OSCP1: variants seen among roughly 807,000 people sequenced by gnomAD.
The protein encoded by OSCP1 is protein OSCP1.
A neutral mutation model predicts 45.1 loss-of-function variants in OSCP1; 35 were observed. The ratio of observed to expected loss-of-function variants is 0.78; its 90% CI spans 0.59 to 1.03. The LOEUF is 1.03. Among genes scored for constraint, OSCP1 ranks in the 50% least tolerant of loss-of-function variants. The pLI, the probability that OSCP1 is intolerant of heterozygous loss-of-function variation, is 0.00. For synonymous variants in OSCP1, 179 were observed against 180.1 expected, an observed-to-expected ratio of 0.99 and a Z score of 0.05; for missense variants, 400 against 470.7, an observed-to-expected ratio of 0.85 and a Z score of 1.39.
At chr1:36,441,245 C>T (rs1649127235) in intron 1 of OSCP1, among the ~76,000 whole-genome samples, 1 of 152,058 alleles carries the variant, frequency 6.6e-6, no homozygotes, top group Non-Finnish European at 1.5e-5. Flanking sequence ...TCCCTCTTCT[C>T]GTTTCACTCT....
At chr1:36,429,392 A>G (rs1017649785) in intron 4 of OSCP1, among the ~76,000 whole-genome samples, 13 of 151,928 alleles carry the variant, frequency 8.6e-5, no homozygotes, top group African/African-American at 3.1e-4. Flanking sequence ...TCTCAAAAAA[A>G]AAAAAAAAGA....
At chr1:36,434,030 A>G (rs940495632) in intron 2 of OSCP1, among the ~76,000 whole-genome samples, 1 of 152,184 alleles carries the variant, frequency 6.6e-6, no homozygotes, top group Non-Finnish European at 1.5e-5. Context: ...GATGATGATC[A>G]GGGTTGTCCA....
intron 4 of OSCP1, among the ~76,000 whole-genome samples, chr1:36,424,628 A>C (rs1647855438): frequency 6.6e-6 from 1 of 152,182 alleles, no homozygotes; most frequent in South Asian, 2.1e-4. Context: ...GGGCTGGGGC[A>C]GGGGGATCCA....
At chr1:36,421,950 C>G in intron 7 of OSCP1, 200 bp downstream of exon 7, 1 of 595,768 alleles carries the variant, frequency 1.7e-6, no homozygotes, top group South Asian at 2.1e-5. Context: ...CTAAAATTAC[C>G]TAATTAGTGA....
Position 36,423,394 on chromosome 1 carries a change from G to A in OSCP1, c.589C>T (p.Pro197Ser), listed in dbSNP as rs781313667. 1 of 1,612,818 alleles carries A rather than the reference G, an allele frequency of 6.2e-7. No homozygotes were observed. Among genetic ancestry groups the A allele is most frequent in the Non-Finnish European group, 8.5e-7 (1 of 1,179,212 alleles). ...AGTCCTGGAACTTCAGTTCCCCAAG[G>A]AACAGGCCCGGACACCGGCAACACA... is the stretch of plus-strand genomic sequence containing the variant. ...RFVLPVSGPV[P>S]WGTEVPGLIR... Residue 197 changes from proline to serine, a missense_variant, in exon 5 of 10, where the codon CCT (proline) becomes TCT (serine). Coordinates refer to ENST00000235532, the MANE Select transcript of OSCP1 (RefSeq NM_145047.5).
intron 4 of OSCP1, among the ~76,000 whole-genome samples, chr1:36,425,945 G>C (rs1053243438): frequency 2.0e-5 from 3 of 152,148 alleles, no homozygotes; most frequent in Non-Finnish European, 4.4e-5. Context: ...GGGGGAGGCA[G>C]GCGTGACTGT....
At chr1:36,439,612 G>C (rs1403292375) in intron 1 of OSCP1, among the ~76,000 whole-genome samples, 1 of 152,146 alleles carries the variant, frequency 6.6e-6, no homozygotes, top group Admixed American at 6.5e-5. Context: ...AATGGTAATT[G>C]ACTCTTAATA....
intron 4 of OSCP1, among the ~76,000 whole-genome samples, chr1:36,429,777 C>T (rs1393543445): frequency 6.6e-6 from 1 of 150,584 alleles, no homozygotes; most frequent in African/African-American, 2.4e-5. Context: ...TTTTTTGAGA[C>T]AGGGTCTCAG....
At position 36,419,073 on chromosome 1, in the gene OSCP1, A is replaced by C. The variant is rs371603975; in HGVS notation, c.960-19T>G. 7.5e-6 allele frequency: 12 copies of C among 1,596,730 alleles called. No homozygotes were observed. Among genetic ancestry groups the C allele is most frequent in the South Asian group, 1.1e-5 (1 of 90,724 alleles). ...TGCTTGTCTGGATGAGATGGTAAAGAAAATGGGTGCAACATTAGGGTTCTT... is the reference window on the plus strand; with the variant it reads ...TGCTTGTCTGGATGAGATGGTAAAGCAAATGGGTGCAACATTAGGGTTCTT... On this transcript the variant is annotated intron_variant, in intron 8 of 9. Transcript: ENST00000235532.
intron 5 of OSCP1, 29 bp from the exon 6 acceptor site, chr1:36,422,925 T>G: frequency 6.4e-7 from 1 of 1,552,604 alleles, no homozygotes; most frequent in Admixed American, 1.8e-5. Context: ...CATGATGGAA[T>G]GTTCTCCAAG....
chr1:36,441,805 T>C (rs1197430238), intron 1 of OSCP1, among the ~76,000 whole-genome samples: 1 of 150,688 alleles, frequency 6.6e-6, no homozygotes, highest in African/African-American at 2.4e-5. Flanking sequence ...CCCTTCATCC[T>C]AACATCCCTG....
At chr1:36,428,915 A>T (rs561965968) in intron 4 of OSCP1, among the ~76,000 whole-genome samples, 44 of 152,222 alleles carry the variant, frequency 2.9e-4, no homozygotes, top group Non-Finnish European at 5.6e-4. Flanking sequence ...ACTGCATTCC[A>T]GACAGAGTGA....
intron 4 of OSCP1, among the ~76,000 whole-genome samples, chr1:36,424,919 T>G (rs1039912791): frequency 2.6e-5 from 4 of 152,210 alleles, no homozygotes; most frequent in Non-Finnish European, 2.9e-5. Flanking sequence ...ACGCCTGTAA[T>G]CCTAGCACTT....
At chr1:36,432,959 T>G (rs2124793055) in intron 2 of OSCP1, among the ~76,000 whole-genome samples, 1 of 152,348 alleles carries the variant, frequency 6.6e-6, no homozygotes, top group South Asian at 2.1e-4. Context: ...CCTAACTTAT[T>G]GTATAACCTT....
intron 1 of OSCP1, chr1:36,441,066 C>T (rs968653491): frequency 1.3e-5 from 2 of 152,206 alleles, no homozygotes; most frequent in Non-Finnish European, 2.9e-5. Context: ...AGTCTTTCCC[C>T]GTGGGAAGTG....
Position 36,449,835 on chromosome 1 carries a change from C to CAAAAAAAAAAAA in OSCP1, c.112+411_112+422dup, listed in dbSNP as rs67376533. On this transcript the variant is annotated intron_variant, in intron 1 of 9. Transcript: ENST00000235532. ...TGGGCGACAGAGCGAGACCCTGTCT[C>CAAAAAAAAAAAA]AAAAAAAAAAAAAAAAAAAAAAAAA... Among the ~76,000 whole-genome samples the CAAAAAAAAAAAA allele has an allele frequency of 4.4e-4, 9 of 20,334 alleles. 1 individual carries two copies. Among genetic ancestry groups the CAAAAAAAAAAAA allele is most frequent in the Non-Finnish European group, 5.5e-4 (7 of 12,818 alleles). The allele number at this position is 20,334 out of a possible 152,430, so 13.3% of individuals were successfully genotyped here.
In OSCP1 at chr1:36,437,550, A is replaced by C. The variant is rs190078922; in HGVS notation, c.267+1206T>G. Among the ~76,000 whole-genome samples the C allele has an allele frequency of 2.8e-3, 429 of 152,018 alleles. 2 individuals are homozygous for C. Among genetic ancestry groups the C allele is most frequent in the African/African-American group, 9.9e-3 (410 of 41,492 alleles). On this transcript the variant is annotated intron_variant, in intron 2 of 9. Coordinates refer to ENST00000235532, the MANE Select transcript of OSCP1 (RefSeq NM_145047.5). ...TTATTTATTTTTGAGATGAAGTCCT[A>C]CTCTGTCGCCCAGGCTGGGGTGTAG...
intron 4 of OSCP1, among the ~76,000 whole-genome samples, chr1:36,430,374 T>C (rs962391792): frequency 2.0e-5 from 3 of 152,086 alleles, no homozygotes; most frequent in African/African-American, 7.2e-5. Context: ...GGATGTAGAA[T>C]TGCCTAGCTA....
chr1:36,432,972 C>T (rs1648473527), intron 2 of OSCP1, among the ~76,000 whole-genome samples: 1 of 152,166 alleles, frequency 6.6e-6, no homozygotes, highest in East Asian at 1.9e-4. Flanking sequence ...ATAACCTTGG[C>T]CAAGTTTCTT....
Sources: allele counts gnomAD v4.1 joint callset (sites outside exome capture counted in the v4.1 genomes callset), GRCh38; gene constraint gnomAD v4.1.1; transcripts MANE v1.5; gene names NCBI Gene and HGNC (gene_info 2026-07-23, HGNC 2026-07-21).